Variants in MAP3K13 observed in about 807,000 individuals in gnomAD.
The protein encoded by MAP3K13 is mitogen-activated protein kinase kinase kinase 13.
Under a neutral mutation model 104.0 loss-of-function variants are expected in MAP3K13, and 52 were observed. The observed-to-expected ratio is 0.50, with a 90% CI of 0.40 to 0.63. The LOEUF (loss-of-function observed/expected upper bound fraction) is 0.63, where lower values mean the gene tolerates loss of function less well. MAP3K13 is among the 20% of genes least tolerant of loss of function. The pLI, the probability that MAP3K13 is intolerant of heterozygous loss-of-function variation, is 0.00. For synonymous variants in MAP3K13, 394 were observed against 442.2 expected, an observed-to-expected ratio of 0.89 and a Z score of 1.37; for missense variants, 914 against 1,218.5, an observed-to-expected ratio of 0.75 and a Z score of 3.72.
chr3:185,387,532 G>T (rs903749680), intron 1 of MAP3K13, among the ~76,000 whole-genome samples: 15 of 151,902 alleles, frequency 9.9e-5, no homozygotes, highest in African/African-American at 3.4e-4. Context: ...CCCAGCCTCG[G>T]GTATTCCTTT....
In MAP3K13 at chr3:185,465,731, G is replaced by T. The variant is rs1195353875; in HGVS notation, c.1389-16G>T. 2 of 1,597,044 alleles carry T rather than the reference G, an allele frequency of 1.3e-6. No individual in the cohort carries two copies. Among genetic ancestry groups the T allele is most frequent in the Non-Finnish European group, 1.7e-6 (2 of 1,164,768 alleles). On this transcript the variant is annotated splice_polypyrimidine_tract_variant and intron_variant, in intron 8 of 13. Transcript: ENST00000265026. ...GAAGTTGGTTGGCTGGGCTGACCCT[G>T]TGTTTTCTCTGACAGGCATGCGCTG... is the stretch of plus-strand genomic sequence containing the variant.
At position 185,482,669 on chromosome 3, in the gene MAP3K13, C is replaced by T; in HGVS notation, c.*213C>T. ...CCAAATGAAATTAAGTCTCACTGAACATTTCAATCAAGAATGGCAGGGATC... is the reference window on the plus strand; with the variant it reads ...CCAAATGAAATTAAGTCTCACTGAATATTTCAATCAAGAATGGCAGGGATC... On this transcript the variant is annotated 3_prime_UTR_variant, in exon 14 of 14. Transcript: ENST00000265026. This position sits in a 1 kb window ranked among gnomAD's most constrained non-coding sequence, Gnocchi z 4.5. 4.0e-6 allele frequency: 2 copies of T among 498,158 alleles called. No individual in the cohort carries two copies. Among genetic ancestry groups the T allele is most frequent in the South Asian group, 6.1e-5 (2 of 32,600 alleles). The allele number at this position is 498,158 out of a possible 1,614,324, so 30.9% of individuals were successfully genotyped here.
intron 1 of MAP3K13, among the ~76,000 whole-genome samples, chr3:185,386,413 T>C (rs777672372): frequency 2.6e-5 from 4 of 152,042 alleles, no homozygotes; most frequent in Non-Finnish European, 5.9e-5. Context: ...AAAAAACAAC[T>C]GATGCTGGCA....
chr3:185,347,946 C>A (rs367654879), intron 2 of MAP3K13, among the ~76,000 whole-genome samples: 3 of 145,392 alleles, frequency 2.1e-5, no homozygotes, highest in African/African-American at 5.2e-5. Flanking sequence ...TGGGAGGCGG[C>A]GGTTGCAGTG....
intron 2 of MAP3K13, among the ~76,000 whole-genome samples, chr3:185,343,755 A>AT (rs1443689895): frequency 6.6e-6 from 1 of 152,060 alleles, no homozygotes; most frequent in African/African-American, 2.4e-5. Context: ...CTGGCTGGAT[A>AT]TTTTTTAATG....
intron 1 of MAP3K13, among the ~76,000 whole-genome samples, chr3:185,378,095 C>G (rs60351850): frequency 0.078 from 11,812 of 152,206 alleles, 590 homozygotes; most frequent in Admixed American, 0.14. Context: ...GTTTGTCTCA[C>G]AGTGGAGGCA....
At chr3:185,405,504 T>C (rs1271340054) in intron 1 of MAP3K13, among the ~76,000 whole-genome samples, 1 of 152,256 alleles carries the variant, frequency 6.6e-6, no homozygotes, top group East Asian at 1.9e-4. Context: ...GACTGTTTGC[T>C]ATTCTTGGAA....
At chr3:185,419,379 C>T (rs1456106429) in intron 1 of MAP3K13, among the ~76,000 whole-genome samples, 2 of 152,220 alleles carry the variant, frequency 1.3e-5, no homozygotes, top group Non-Finnish European at 2.9e-5. Flanking sequence ...CTTAACATTT[C>T]ACATCATTTT....
chr3:185,307,816 A>G (rs1721349877), intron 2 of MAP3K13, among the ~76,000 whole-genome samples: 1 of 152,114 alleles, frequency 6.6e-6, no homozygotes, highest in East Asian at 1.9e-4. Context: ...TGCTGGGATT[A>G]CAGGCATGAG....
intron 1 of MAP3K13, among the ~76,000 whole-genome samples, chr3:185,409,354 C>T (rs1260834254): frequency 2.6e-5 from 4 of 152,046 alleles, no homozygotes; most frequent in African/African-American, 2.4e-5. Context: ...GGCTACAGAG[C>T]GAGACCCTGT....
At chr3:185,406,242 C>T (rs542909809) in intron 1 of MAP3K13, among the ~76,000 whole-genome samples, 4 of 152,236 alleles carry the variant, frequency 2.6e-5, no homozygotes, top group South Asian at 2.1e-4. Flanking sequence ...CCTTCCTAGC[C>T]GGCAATTTAG....
At position 185,319,375 on chromosome 3, in the gene MAP3K13, C is replaced by G. The variant is rs746155267; in HGVS notation, c.-86+33732C>G. 1.2e-3 allele frequency among the ~76,000 whole-genome samples: 183 copies of G among 152,332 alleles called. 1 individual carries two copies. Among genetic ancestry groups the G allele is most frequent in the Non-Finnish European group, 2.4e-4 (16 of 68,028 alleles). ...TCATTTCTCCATCAATGTTCCCTAA[C>G]CTTTCTTGTGTCACGGCACACATAG... On this transcript the variant is annotated intron_variant, in intron 2 of 14. Transcript: ENST00000424227.
rs184042965 is a variant in MAP3K13, at chr3:185,395,956, G to C, written c.-85-32541G>C. 1.1e-3 allele frequency among the ~76,000 whole-genome samples: 167 copies of C among 152,194 alleles called. 2 individuals carry two copies. Among genetic ancestry groups the C allele is most frequent in the Admixed American group, 1.4e-3 (21 of 15,298 alleles). On this transcript the variant is annotated intron_variant, in intron 1 of 13. Coordinates refer to ENST00000265026, the MANE Select transcript of MAP3K13 (RefSeq NM_004721.5). ...AGTCTCCCAAAGTGTTGGGATTACA[G>C]GCATGAGCCACTGCGTCTGGCCCTA...
chr3:185,448,013 C>A, intron 5 of MAP3K13, 66 bp downstream of exon 5: 1 of 1,468,408 alleles, frequency 6.8e-7, no homozygotes, highest in Non-Finnish European at 9.4e-7. Flanking sequence ...TTAGCACTGT[C>A]TTCCTTCAGC....
chr3:185,292,861 A>C (rs1720791555), intron 2 of MAP3K13: 1 of 983,890 alleles, frequency 1.0e-6, no homozygotes, highest in South Asian at 4.7e-5. Context: ...GCTTTAGAGC[A>C]GTTATGGGAG....
At chr3:185,345,691 GT>G (rs1229484064) in intron 2 of MAP3K13, among the ~76,000 whole-genome samples, 1 of 152,098 alleles carries the variant, frequency 6.6e-6, no homozygotes, top group East Asian at 1.9e-4. Flanking sequence ...GGACTGTCTA[GT>G]TGCAGGAAAA....
At chr3:185,426,239 C>G (rs1017032506) in intron 1 of MAP3K13, among the ~76,000 whole-genome samples, 1 of 152,106 alleles carries the variant, frequency 6.6e-6, no homozygotes, top group East Asian at 1.9e-4. Flanking sequence ...CACCACCATG[C>G]CCGGCTAATT....
chr3:185,488,337 CATTAGA>C lies in MAP3K13; in HGVS notation c.*5884_*5889del, dbSNP rs1334522925. ...AGTGTCCCACCCTCACAGACTGGCA[CATTAGA>C]ATCATATTAATCTGCTTGTTTGCAT... On this transcript the variant is annotated 3_prime_UTR_variant, in exon 14 of 14. Coordinates refer to ENST00000265026, the MANE Select transcript of MAP3K13 (RefSeq NM_004721.5). 6.6e-6 allele frequency: 1 copy of C among 152,146 alleles called. No individual in the cohort carries two copies. The highest frequency in any genetic ancestry group is 1.5e-5 in the Non-Finnish European group (1 of 68,042). The allele number at this position is 152,146 out of a possible 1,614,324, so 9.4% of individuals were successfully genotyped here.
chr3:185,314,729 C>A (rs1409364048), intron 2 of MAP3K13, among the ~76,000 whole-genome samples: 1 of 152,174 alleles, frequency 6.6e-6, no homozygotes, highest in Non-Finnish European at 1.5e-5. Flanking sequence ...AGGTGACCCT[C>A]CTGCCTCAAG....
Sources: allele counts gnomAD v4.1 joint callset (sites outside exome capture counted in the v4.1 genomes callset), GRCh38; gene constraint gnomAD v4.1.1; non-coding constraint Gnocchi (gnomAD v3.1); transcripts MANE v1.5; gene names NCBI Gene and HGNC (gene_info 2026-07-23, HGNC 2026-07-21).